The following KCNT2 variants were observed in gnomAD, a reference collection of about 807,000 sequenced individuals.
The protein encoded by KCNT2 is potassium channel subfamily T member 2.
KCNT2 carries 67 observed loss-of-function variants against 153.8 expected under a neutral mutation model. The ratio of observed to expected loss-of-function variants is 0.44; its 90% CI spans 0.36 to 0.53. The LOEUF (loss-of-function observed/expected upper bound fraction) is 0.53. Ranked by LOEUF, KCNT2 falls within the 20% of genes least tolerant of loss-of-function variation. The pLI is 0.00. For missense variants in KCNT2, 975 were observed against 1,354.8 expected, an observed-to-expected ratio of 0.72 and a Z score of 4.40; for synonymous variants, 500 against 458.8, an observed-to-expected ratio of 1.09 and a Z score of -1.15.
intron 13 of KCNT2, among the ~76,000 whole-genome samples, chr1:196,390,173 T>G (rs778352310): frequency 3.3e-5 from 5 of 151,658 alleles, no homozygotes; most frequent in Non-Finnish European, 5.9e-5. Flanking sequence ...TTGGCATATT[T>G]TTTTATTTTA....
chr1:196,278,996 C>G, intron 25 of KCNT2, among the ~76,000 whole-genome samples: 1 of 152,206 alleles, frequency 6.6e-6, no homozygotes, highest in Middle Eastern at 3.4e-3. Flanking sequence ...TGAGAAGATG[C>G]CTATCTGAGA....
At chr1:196,566,534 G>A (rs923011744) in intron 1 of KCNT2, among the ~76,000 whole-genome samples, 1 of 152,080 alleles carries the variant, frequency 6.6e-6, no homozygotes, top group Non-Finnish European at 1.5e-5. Context: ...AACATCTTGG[G>A]AGGCCCTCTC....
intron 22 of KCNT2, among the ~76,000 whole-genome samples, chr1:196,303,556 A>T (rs1167637815): frequency 6.6e-6 from 1 of 152,152 alleles, no homozygotes; most frequent in South Asian, 2.1e-4. Context: ...ATTAGTGACA[A>T]TATCAACAAA....
intron 1 of KCNT2, among the ~76,000 whole-genome samples, chr1:196,571,839 T>A (rs1660813471): frequency 6.6e-6 from 1 of 152,086 alleles, no homozygotes; most frequent in Non-Finnish European, 1.5e-5. Flanking sequence ...TGAGATTTCA[T>A]GAAACAGAAA....
chr1:196,378,825 A>G (rs974319527), intron 13 of KCNT2, among the ~76,000 whole-genome samples: 13 of 147,710 alleles, frequency 8.8e-5, no homozygotes, highest in Middle Eastern at 3.6e-3. Context: ...ATATATATAT[A>G]TTATATATAT....
chr1:196,570,208 C>A (rs77169325), intron 1 of KCNT2, among the ~76,000 whole-genome samples: 2,824 of 152,010 alleles, frequency 0.019, 33 homozygotes, highest in Middle Eastern at 0.037. Context: ...CAAGAATAAC[C>A]TGCTTTTTGG....
intron 19 of KCNT2, 72 bp downstream of exon 19, chr1:196,326,645 A>T: frequency 2.4e-6 from 2 of 819,510 alleles, no homozygotes; most frequent in South Asian, 4.7e-5. Flanking sequence ...ATTACAGGCA[A>T]TTATTTTTGA....
chr1:196,243,562 T>C (rs1480460050), intron 26 of KCNT2, among the ~76,000 whole-genome samples: 1 of 152,148 alleles, frequency 6.6e-6, no homozygotes, highest in Non-Finnish European at 1.5e-5. Flanking sequence ...ACTGTGAGAC[T>C]GCATTGGAAC....
intron 25 of KCNT2, among the ~76,000 whole-genome samples, chr1:196,265,922 C>T (rs1224939041): frequency 6.6e-6 from 1 of 152,066 alleles, no homozygotes; most frequent in African/African-American, 2.4e-5. Context: ...CCTGATGATA[C>T]TTACTTGAGA....
intron 1 of KCNT2, among the ~76,000 whole-genome samples, chr1:196,518,656 TAACA>T (rs1652932797): frequency 6.6e-6 from 1 of 151,512 alleles, no homozygotes; most frequent in South Asian, 2.1e-4. Flanking sequence ...GATTTTAAAC[TAACA>T]AACAACAAAA....
chr1:196,465,196 A>G (rs1209385534), intron 8 of KCNT2, 97 bp downstream of exon 8: 2 of 655,782 alleles, frequency 3.0e-6, no homozygotes, highest in East Asian at 2.8e-5. Flanking sequence ...TTATTTATTT[A>G]TTGACAACTA....
intron 1 of KCNT2, among the ~76,000 whole-genome samples, chr1:196,499,456 G>A (rs1680502643): frequency 6.6e-6 from 1 of 152,278 alleles, no homozygotes; most frequent in Non-Finnish European, 1.5e-5. Context: ...TATTAGTTAG[G>A]ACCTACTGGA....
intron 25 of KCNT2, among the ~76,000 whole-genome samples, chr1:196,265,204 C>T (rs1271404339): frequency 1.3e-5 from 2 of 152,176 alleles, no homozygotes; most frequent in African/African-American, 4.8e-5. Context: ...CAATGACCAC[C>T]ACCACTGGGG....
At chr1:196,458,447 A>G (rs1676869355) in intron 8 of KCNT2, among the ~76,000 whole-genome samples, 1 of 151,924 alleles carries the variant, frequency 6.6e-6, no homozygotes. Flanking sequence ...ATACAAAATA[A>G]TTTTGTTGTT....
chr1:196,548,248 T>C (rs931002927), intron 1 of KCNT2, among the ~76,000 whole-genome samples: 1 of 152,030 alleles, frequency 6.6e-6, no homozygotes, highest in Non-Finnish European at 1.5e-5. Flanking sequence ...ACAAAATTTC[T>C]CTTTGAATTT....
chr1:196,599,836 A>G (rs958097188), intron 1 of KCNT2, among the ~76,000 whole-genome samples: 4 of 152,146 alleles, frequency 2.6e-5, no homozygotes, highest in African/African-American at 9.7e-5. Context: ...TTTGCTGATT[A>G]TCTTCTGCCT....
intron 25 of KCNT2, among the ~76,000 whole-genome samples, chr1:196,273,297 A>G (rs187707474): frequency 4.6e-4 from 70 of 152,024 alleles, no homozygotes; most frequent in African/African-American, 1.3e-3. Flanking sequence ...CTGGGGAAAT[A>G]TAAGTACATT....
At chr1:196,566,584 G>A (rs1363018665) in intron 1 of KCNT2, among the ~76,000 whole-genome samples, 2 of 152,138 alleles carry the variant, frequency 1.3e-5, no homozygotes, top group East Asian at 3.9e-4. Context: ...AGATTAAGGT[G>A]GTGGGAGAGA....
chr1:196,437,767 A>T (rs1217706156), intron 8 of KCNT2, among the ~76,000 whole-genome samples: 2 of 151,338 alleles, frequency 1.3e-5, no homozygotes, highest in Non-Finnish European at 3.0e-5. Flanking sequence ...TTGTAATGGA[A>T]AAAAGCTACC....
Sources: allele counts gnomAD v4.1 joint callset (sites outside exome capture counted in the v4.1 genomes callset), GRCh38; gene constraint gnomAD v4.1.1; transcripts MANE v1.5; gene names NCBI Gene and HGNC (gene_info 2026-07-23, HGNC 2026-07-21).